Variants in DNAH14 observed in about 807,000 individuals in gnomAD.
The protein encoded by DNAH14 is axonemal beta dynein heavy chain 14.
Under a neutral mutation model 520.9 loss-of-function variants are expected in DNAH14, and 478 were observed. That is an observed-to-expected ratio of 0.92 (90% confidence interval 0.85 to 0.99). The LOEUF is 0.99. Among genes scored for constraint, DNAH14 ranks in the 50% least tolerant of loss-of-function variants. DNAH14 has a pLI of 0.00. For synonymous variants in DNAH14, 1,581 were observed against 1,757.2 expected (o/e 0.90, Z 2.51); for missense variants, 4,831 against 5,234.5 (o/e 0.92, Z 2.38).
intron 42 of DNAH14, among the ~76,000 whole-genome samples, chr1:225,240,333 CAT>C (rs1030149579): frequency 6.7e-5 from 10 of 149,852 alleles, no homozygotes; most frequent in East Asian, 2.0e-4. Context: ...TAAATAAAAA[CAT>C]ATTAAAAGTA....
intron 8 of DNAH14, among the ~76,000 whole-genome samples, chr1:224,993,641 T>C (rs987603222): frequency 6.6e-6 from 1 of 151,940 alleles, no homozygotes; most frequent in Non-Finnish European, 1.5e-5. Flanking sequence ...ACTCTTAGTT[T>C]TGTTGATCTT....
intron 74 of DNAH14, 132 bp from the exon 75 acceptor site, chr1:225,360,548 AT>A: frequency 1.1e-6 from 1 of 874,126 alleles, no homozygotes; most frequent in East Asian, 2.7e-5. Flanking sequence ...CTGGGCTCTA[AT>A]TTCAAAACCT....
At chr1:225,378,940 A>G (rs1007293565) in intron 79 of DNAH14, among the ~76,000 whole-genome samples, 1 of 152,028 alleles carries the variant, frequency 6.6e-6, no homozygotes, top group Non-Finnish European at 1.5e-5. Context: ...GAGCAGCAGA[A>G]CTCAAAAGAG....
intron 21 of DNAH14, 90 bp downstream of exon 21, chr1:225,085,879 T>C (rs2073709275): frequency 7.7e-7 from 1 of 1,304,230 alleles, no homozygotes; most frequent in South Asian, 1.7e-5. Flanking sequence ...TGCCTTTGAA[T>C]TGTATAAATC....
At chr1:224,997,945 G>A (rs570638978) in intron 8 of DNAH14, among the ~76,000 whole-genome samples, 9 of 152,210 alleles carry the variant, frequency 5.9e-5, no homozygotes, top group Non-Finnish European at 1.3e-4. Flanking sequence ...CACATGGACA[G>A]AGGAATGAAT....
intron 11 of DNAH14, 56 bp from the exon 12 acceptor site, chr1:225,038,638 A>G: frequency 2.7e-6 from 4 of 1,470,686 alleles, no homozygotes; most frequent in East Asian, 2.6e-5. Flanking sequence ...TGTTCTTTAT[A>G]TATGTAGATA....
chr1:225,021,480 C>T (rs1340149821), intron 10 of DNAH14, among the ~76,000 whole-genome samples: 2 of 152,076 alleles, frequency 1.3e-5, no homozygotes, highest in African/African-American at 4.8e-5. Flanking sequence ...AAATCAGTAG[C>T]ATTTCTGTAC....
intron 23 of DNAH14, among the ~76,000 whole-genome samples, chr1:225,104,235 C>G (rs144152835): frequency 0.042 from 6,352 of 152,134 alleles, 219 homozygotes; most frequent in Non-Finnish European, 0.061. Flanking sequence ...GGGATGAAGC[C>G]CACTTGATCA....
intron 54 of DNAH14, among the ~76,000 whole-genome samples, chr1:225,278,130 A>G (rs2093536560): frequency 1.4e-5 from 2 of 139,438 alleles, no homozygotes; most frequent in Admixed American, 1.4e-4. Context: ...TAAATAAAAC[A>G]CAAGTTTTAT....
intron 78 of DNAH14, 118 bp downstream of exon 78, chr1:225,375,003 C>A (rs2095678188): frequency 2.2e-6 from 2 of 929,640 alleles, no homozygotes; most frequent in Admixed American, 2.9e-5. Flanking sequence ...CTTTTAGTAG[C>A]TTTCAGTAGT....
At position 225,019,703 on chromosome 1, in the gene DNAH14, A is replaced by T. The variant is rs368985996; in HGVS notation, c.1108-3912A>T. On this transcript the variant is annotated intron_variant, in intron 10 of 85. Transcript: ENST00000682510. ...TCTCAACTAAATCACAAAAATCAAAACCATAACAACCACACTGTTGGACCA... is the reference window on the plus strand; with the variant it reads ...TCTCAACTAAATCACAAAAATCAAATCCATAACAACCACACTGTTGGACCA... Among the ~76,000 whole-genome samples, 4 of 152,146 alleles carry T rather than the reference A, an allele frequency of 2.6e-5. No individual in the cohort carries two copies. In the East Asian group the frequency reaches 5.8e-4, roughly 22 times the overall value.
chr1:225,148,943 G>A (rs2080220175), intron 31 of DNAH14, among the ~76,000 whole-genome samples: 1 of 152,036 alleles, frequency 6.6e-6, no homozygotes, highest in Non-Finnish European at 1.5e-5. Context: ...AAACTCTTTA[G>A]TTTAACTAGA....
chr1:225,322,509 A>G (rs1026668210), intron 61 of DNAH14, among the ~76,000 whole-genome samples, 155 bp from the exon 62 acceptor site: 1 of 152,206 alleles, frequency 6.6e-6, no homozygotes, highest in East Asian at 1.9e-4. Flanking sequence ...CAATTTTTAA[A>G]AGATACCTAA....
chr1:225,290,137 C>A, intron 55 of DNAH14, 55 bp downstream of exon 55: 4 of 1,214,782 alleles, frequency 3.3e-6, no homozygotes, highest in South Asian at 2.8e-5. Context: ...TGTGGCTACC[C>A]CCTCCCCAAA....
At chr1:225,014,358 G>C (rs2147938030) in intron 10 of DNAH14, among the ~76,000 whole-genome samples, 1 of 151,982 alleles carries the variant, frequency 6.6e-6, no homozygotes, top group South Asian at 2.1e-4. Context: ...CACTTCCTGT[G>C]TTGGTCTTGC....
chr1:225,110,677 T>A (rs1393104384), intron 23 of DNAH14, among the ~76,000 whole-genome samples: 1 of 152,040 alleles, frequency 6.6e-6, no homozygotes, highest in Non-Finnish European at 1.5e-5. Flanking sequence ...TCAGTTCTGA[T>A]CTTTATTTTC....
At chr1:224,992,393 T>C (rs1450350355) in intron 8 of DNAH14, among the ~76,000 whole-genome samples, 1 of 152,180 alleles carries the variant, frequency 6.6e-6, no homozygotes, top group African/African-American at 2.4e-5. Flanking sequence ...CCATTTCTTT[T>C]ATTAACATTT....
chr1:225,039,640 T>A (rs1388538097), intron 12 of DNAH14, among the ~76,000 whole-genome samples: 1 of 151,788 alleles, frequency 6.6e-6, no homozygotes, highest in Non-Finnish European at 1.5e-5. Flanking sequence ...TTGGTATTAT[T>A]TTCTTGAGAT....
intron 41 of DNAH14, among the ~76,000 whole-genome samples, chr1:225,226,068 A>G (rs1279104397): frequency 6.6e-6 from 1 of 151,870 alleles, no homozygotes. Context: ...GTACATTGCA[A>G]CTCTCATAGG....
Sources: allele counts gnomAD v4.1 joint callset (sites outside exome capture counted in the v4.1 genomes callset), GRCh38; gene constraint gnomAD v4.1.1; transcripts MANE v1.5; gene names NCBI Gene and HGNC (gene_info 2026-07-23, HGNC 2026-07-21).